The following UHRF1 variants were observed in gnomAD, a reference collection of about 807,000 sequenced individuals.
UHRF1 encodes the protein ubiquitin like with PHD and ring finger domains 1.
In UHRF1, 9 loss-of-function variants were observed where a neutral mutation model predicts 96.5. The ratio of observed to expected loss-of-function variants is 0.09; its 90% confidence interval spans 0.06 to 0.16. UHRF1 has a LOEUF of 0.16. UHRF1 is among the 10% of genes least tolerant of loss of function. UHRF1 has a pLI of 1.00. For synonymous variants in UHRF1, 455 were observed against 469.9 expected, an observed-to-expected ratio of 0.97 and a Z score of 0.41; for missense variants, 626 against 1,131.1, an observed-to-expected ratio of 0.55 and a Z score of 6.40.
rs951476925 is a variant in UHRF1 at position 4,941,860 on chromosome 19, T to C, written c.1002T>C (p.Asp334=). Residue 334 remains aspartate (D), a synonymous_variant, in exon 7 of 17, where the codon GAT becomes GAC. Coordinates refer to ENST00000650932, the MANE Select transcript of UHRF1 (RefSeq NM_001048201.3). ...RQDPDKQLMC[D]ECDMAFHIYC... is the part of the protein sequence containing the mutation. ...ACCCCGACAAGCAGCTCATGTGCGA[T>C]GAGTGCGACATGGCCTTCCACATCT... The C allele has an allele frequency of 1.3e-6, 2 of 1,570,090 alleles. No homozygotes were observed. The highest frequency in any genetic ancestry group is 2.3e-5 in the East Asian group (1 of 43,388).
intron 3 of UHRF1, among the ~76,000 whole-genome samples, chr19:4,929,700 GTC>G (rs2032988937): frequency 1.3e-5 from 2 of 152,212 alleles, no homozygotes; most frequent in Non-Finnish European, 2.9e-5. Context: ...GCCTGCAGGT[GTC>G]TTCTCCGTGA....
At chr19:4,935,578 G>T (rs189467652) in intron 5 of UHRF1, among the ~76,000 whole-genome samples, 8 of 151,588 alleles carry the variant, frequency 5.3e-5, no homozygotes, top group African/African-American at 1.5e-4. Context: ...CTTGGAGGCC[G>T]CCTGCAGTTC....
intron 2 of UHRF1, among the ~76,000 whole-genome samples, chr19:4,916,305 C>CAA (rs11409542): frequency 1.9e-3 from 240 of 124,532 alleles, no homozygotes; most frequent in African/African-American, 4.9e-3. Flanking sequence ...GACTTTGTCT[C>CAA]AAAAAAAAAA....
At chr19:4,912,068 T>C (rs1331969663) in intron 2 of UHRF1, among the ~76,000 whole-genome samples, 2 of 152,208 alleles carry the variant, frequency 1.3e-5, no homozygotes, top group Admixed American at 1.3e-4. Flanking sequence ...GATTAATTTC[T>C]CTGGCTTGCA....
chr19:4,937,819 T>A (rs1473679201), intron 5 of UHRF1, among the ~76,000 whole-genome samples: 1 of 152,204 alleles, frequency 6.6e-6, no homozygotes, highest in African/African-American at 2.4e-5. Flanking sequence ...GTGTAAAATT[T>A]ACGTTAATTC....
In UHRF1 at chr19:4,911,126, T is replaced by TC. The variant is rs555798225; in HGVS notation, c.153+96dup. ...CAGCCGATACTTTCTCCCTCCCACCTCCCCCCCCAACAACCTCGTCCGGTC... is the reference window on the plus strand; with the variant it reads ...CAGCCGATACTTTCTCCCTCCCACCTCCCCCCCCCAACAACCTCGTCCGGTC... On this transcript the variant is annotated intron_variant, in intron 2 of 16. Transcript: ENST00000650932. 3,494 of 1,167,004 alleles carry TC rather than the reference T, an allele frequency of 3.0e-3. 29 individuals are homozygous for TC. The highest frequency in any genetic ancestry group is 0.03 in the South Asian group (1,408 of 47,322). The allele number at this position is 1,167,004 out of a possible 1,614,324, so 72.3% of individuals were successfully genotyped here. A position where few individuals can be genotyped will look rare whatever the true frequency, so the allele number is the denominator to read the frequency against.
At chr19:4,932,462 C>G (rs1339954970) in intron 4 of UHRF1, among the ~76,000 whole-genome samples, 3 of 152,252 alleles carry the variant, frequency 2.0e-5, no homozygotes, top group Non-Finnish European at 4.4e-5. Context: ...TGCAAAGGTT[C>G]TATCTACAAA....
At chr19:4,926,802 C>G (rs1015327386) in intron 2 of UHRF1, among the ~76,000 whole-genome samples, 2 of 151,766 alleles carry the variant, frequency 1.3e-5, no homozygotes, top group Non-Finnish European at 2.9e-5. Context: ...CAGTGGCTCA[C>G]GCCTGTAATC....
At chr19:4,904,079 C>T (rs553031861) in intron 1 of UHRF1, among the ~76,000 whole-genome samples, 3 of 152,128 alleles carry the variant, frequency 2.0e-5, no homozygotes, top group African/African-American at 4.8e-5. Flanking sequence ...TGGGTTCAAG[C>T]GATTCTCCTG....
At chr19:4,922,254 T>C (rs927503255) in intron 2 of UHRF1, among the ~76,000 whole-genome samples, 1 of 149,276 alleles carries the variant, frequency 6.7e-6, no homozygotes, top group Non-Finnish European at 1.5e-5. Flanking sequence ...GGCTTTTGTT[T>C]TTTATGTTTT....
intron 2 of UHRF1, among the ~76,000 whole-genome samples, chr19:4,920,106 C>T (rs779972955): frequency 8.5e-5 from 13 of 152,166 alleles, no homozygotes; most frequent in African/African-American, 1.2e-4. Context: ...CATGAGCCAT[C>T]GCACCCGGCC....
upstream of UHRF1, among the ~76,000 whole-genome samples, chr19:4,908,042 A>G (rs902643386): frequency 1.3e-5 from 2 of 152,108 alleles, no homozygotes; most frequent in Non-Finnish European, 2.9e-5. Context: ...GCCTGCTTCC[A>G]CTTTCCCATC....
chr19:4,914,584 G>A (rs1307397912), intron 2 of UHRF1, among the ~76,000 whole-genome samples: 4 of 152,014 alleles, frequency 2.6e-5, no homozygotes, highest in Non-Finnish European at 4.4e-5. Flanking sequence ...GGAGCTGATC[G>A]AGGGCAGTGA....
At chr19:4,941,955 G>T in intron 7 of UHRF1, 24 bp downstream of exon 7, 1 of 1,463,290 alleles carries the variant, frequency 6.8e-7, no homozygotes, top group Non-Finnish European at 9.0e-7. Flanking sequence ...TGCCCGCCGC[G>T]GGGAGACCAG....
chr19:4,906,031 C>T (rs1027253639), upstream of UHRF1, among the ~76,000 whole-genome samples: 15 of 152,190 alleles, frequency 9.9e-5, no homozygotes, highest in Admixed American at 9.8e-4. Flanking sequence ...GGCTAGAGTG[C>T]AGTGGCGCAA....
At position 4,928,278 on chromosome 19, in the gene UHRF1, G is replaced by A. The variant is rs187521174; in HGVS notation, c.154-944G>A. Among the ~76,000 whole-genome samples, 735 of 152,066 alleles carry A rather than the reference G, an allele frequency of 4.8e-3. 5 individuals are homozygous for A. The highest frequency in any genetic ancestry group is 0.017 in the African/African-American group (695 of 41,468). Reference sequence around the variant, plus strand: ...ACCTGGCCCCAATGTCTGCAGTGCCGGGGGAGAGGAACTTGTTGCCTTGGG... The same window carrying A: ...ACCTGGCCCCAATGTCTGCAGTGCCAGGGGAGAGGAACTTGTTGCCTTGGG... On this transcript the variant is annotated intron_variant, in intron 2 of 16. Coordinates refer to ENST00000650932, the MANE Select transcript of UHRF1 (RefSeq NM_001048201.3).
At chr19:4,935,397 A>T (rs370278116) in intron 5 of UHRF1, among the ~76,000 whole-genome samples, 1 of 152,206 alleles carries the variant, frequency 6.6e-6, no homozygotes, top group East Asian at 1.9e-4. Flanking sequence ...CTGTGAGTCC[A>T]TTAAACCTCT....
At chr19:4,936,296 G>T (rs2033214497) in intron 5 of UHRF1, among the ~76,000 whole-genome samples, 1 of 152,186 alleles carries the variant, frequency 6.6e-6, no homozygotes, top group African/African-American at 2.4e-5. Flanking sequence ...GCTGAGTCAG[G>T]CATCATACAA....
At chr19:4,906,366 C>T (rs1190192465), upstream of UHRF1, among the ~76,000 whole-genome samples, 1 of 152,162 alleles carries the variant, frequency 6.6e-6, no homozygotes, top group Non-Finnish European at 1.5e-5. Flanking sequence ...TCCTCAGTAT[C>T]TTTTCTGCAG....
Sources: gnomAD v4.1 joint callset for allele counts (sites outside exome capture counted in the v4.1 genomes callset) on GRCh38, gnomAD v4.1.1 for gene constraint, MANE v1.5 for transcripts, NCBI Gene and HGNC (gene_info 2026-07-23, HGNC 2026-07-21) for gene names.